Variants in NYAP2 observed in about 807,000 individuals in gnomAD.
NYAP2 encodes neuronal tyrosine-phosphorylated phosphoinositide-3-kinase adapter 2.
Under a neutral mutation model 50.4 loss-of-function variants are expected in NYAP2, and 23 were observed. That is an observed-to-expected ratio of 0.46 (90% confidence interval 0.33 to 0.65). NYAP2 has a LOEUF of 0.65. Ranked by LOEUF, NYAP2 falls within the 30% of genes least tolerant of loss-of-function variation. The probability of loss-of-function intolerance (pLI) is 0.02; values close to 1 mark genes in which losing one functional copy is unlikely to be tolerated. For missense variants in NYAP2, 885 were observed against 861.0 expected, an observed-to-expected ratio of 1.03 and a Z score of -0.35; for synonymous variants, 394 against 365.2, an observed-to-expected ratio of 1.08 and a Z score of -0.90.
chr2:225,480,044 C>G lies in NYAP2; in HGVS notation c.222-33327C>G, dbSNP rs567494109. Among the ~76,000 whole-genome samples, 279 of 152,208 alleles carry G rather than the reference C, an allele frequency of 1.8e-3. 1 individual carries two copies. Among genetic ancestry groups the G allele is most frequent in the Middle Eastern group, 0.01 (3 of 294 alleles). ...TAACTTTGGTAAAAGTTAAGTCAAT[C>G]AAAGTATGTATTACTTTCTAAGGAA... On this transcript the variant is annotated intron_variant, in intron 3 of 6. Coordinates refer to ENST00000636099, the Ensembl canonical transcript of NYAP2.
intron 4 of NYAP2, among the ~76,000 whole-genome samples, chr2:225,561,485 T>C (rs1010546866): frequency 2.0e-5 from 3 of 152,102 alleles, no homozygotes; most frequent in Admixed American, 1.3e-4. Flanking sequence ...AGGGATTCCA[T>C]GTGCCTCATA....
intron 5 of NYAP2, among the ~76,000 whole-genome samples, chr2:225,585,517 C>A (rs1692374212): frequency 6.6e-6 from 1 of 152,214 alleles, no homozygotes; most frequent in Non-Finnish European, 1.5e-5. Flanking sequence ...AAAGCTTGTA[C>A]ATGGAAGAGT....
intron 3 of NYAP2, among the ~76,000 whole-genome samples, chr2:225,485,127 A>C (rs775580222): frequency 6.6e-5 from 10 of 152,154 alleles, no homozygotes; most frequent in Admixed American, 6.5e-4. Flanking sequence ...AGGTGGAGAT[A>C]ATTGAATCAT....
At chr2:225,580,078 A>G (rs1006823748) in intron 4 of NYAP2, among the ~76,000 whole-genome samples, 1 of 152,116 alleles carries the variant, frequency 6.6e-6, no homozygotes, top group Non-Finnish European at 1.5e-5. Flanking sequence ...TATTTGTAGA[A>G]AATAGTTTCC....
At chr2:225,553,496 A>G (rs963026792) in intron 4 of NYAP2, among the ~76,000 whole-genome samples, 2 of 152,228 alleles carry the variant, frequency 1.3e-5, no homozygotes, top group African/African-American at 4.8e-5. Context: ...TTTTCTCTTC[A>G]GTGGTACAAG....
chr2:225,648,092 C>T (rs958145358), intron 6 of NYAP2, among the ~76,000 whole-genome samples: 7 of 152,086 alleles, frequency 4.6e-5, no homozygotes, highest in Admixed American at 3.9e-4. Flanking sequence ...CCTCTGCCTC[C>T]CAGGTTCAAG....
Position 225,453,004 on chromosome 2 carries a change from G to A in NYAP2, c.221+43903G>A, listed in dbSNP as rs558578508. 2.4e-3 allele frequency among the ~76,000 whole-genome samples: 372 copies of A among 152,282 alleles called. 3 individuals carry two copies. Among genetic ancestry groups the A allele is most frequent in the African/African-American group, 8.1e-3 (338 of 41,556 alleles). On this transcript the variant is annotated intron_variant, in intron 3 of 6. Coordinates refer to ENST00000636099, the Ensembl canonical transcript of NYAP2. ...GGATACCTTCGCATCCAGTCAGCAT[G>A]CCCAGCTGAGTGATGAAACAGGGCA...
At chr2:225,651,410 G>A (rs778108435) in intron 6 of NYAP2, 22 bp from the exon 7 acceptor site, 1 of 1,613,920 alleles carries the variant, frequency 6.2e-7, no homozygotes, top group Admixed American at 1.7e-5. Flanking sequence ...CTAATATTGT[G>A]TCTTTTTCCG....
intron 4 of NYAP2, among the ~76,000 whole-genome samples, chr2:225,579,919 T>C (rs1330426387): frequency 6.6e-6 from 1 of 152,218 alleles, no homozygotes; most frequent in Admixed American, 6.5e-5. Context: ...TAAATATGAT[T>C]ATTTCTGTAT....
the NYAP2 span, among the ~76,000 whole-genome samples, chr2:225,683,014 C>A: frequency 6.6e-6 from 1 of 152,058 alleles, no homozygotes; most frequent in Non-Finnish European, 1.5e-5. Context: ...GTCATTTCCC[C>A]CCCCCATTCT....
intron 3 of NYAP2, among the ~76,000 whole-genome samples, chr2:225,449,355 G>T (rs182681084): frequency 2.0e-5 from 3 of 152,240 alleles, no homozygotes; most frequent in Non-Finnish European, 2.9e-5. Context: ...TTGCAAATAT[G>T]AACTCTTATA....
intron 4 of NYAP2, among the ~76,000 whole-genome samples, chr2:225,580,174 G>T (rs1025899194): frequency 2.0e-5 from 3 of 152,168 alleles, no homozygotes; most frequent in Non-Finnish European, 4.4e-5. Context: ...GATGAGCTTT[G>T]GTTCTTCCAA....
At chr2:225,424,176 A>G (rs1056852438) in intron 3 of NYAP2, among the ~76,000 whole-genome samples, 1 of 152,158 alleles carries the variant, frequency 6.6e-6, no homozygotes, top group Non-Finnish European at 1.5e-5. Flanking sequence ...TAAAAAGTGA[A>G]CCAAGAATAT....
chr2:225,434,782 C>T (rs1008492783), intron 3 of NYAP2, among the ~76,000 whole-genome samples: 3 of 152,174 alleles, frequency 2.0e-5, no homozygotes, highest in Non-Finnish European at 2.9e-5. Context: ...AAGTGAATCA[C>T]ACCACCATTT....
intron 3 of NYAP2, among the ~76,000 whole-genome samples, chr2:225,482,094 G>A (rs998479338): frequency 5.3e-5 from 8 of 152,210 alleles, no homozygotes; most frequent in Non-Finnish European, 1.2e-4. Context: ...TACATATAAT[G>A]CATAGTAATA....
intron 3 of NYAP2, among the ~76,000 whole-genome samples, chr2:225,454,144 C>T (rs1041044808): frequency 2.0e-5 from 3 of 151,664 alleles, no homozygotes; most frequent in Non-Finnish European, 4.4e-5. Flanking sequence ...GACAACATAG[C>T]GAGACCCTAT....
chr2:225,519,306 T>A (rs1691003318), intron 4 of NYAP2, among the ~76,000 whole-genome samples: 1 of 151,942 alleles, frequency 6.6e-6, no homozygotes, highest in South Asian at 2.1e-4. Context: ...AGTTTTAGGG[T>A]ACATGCGCAC....
chr2:225,442,055 A>G (rs983047517), intron 3 of NYAP2, among the ~76,000 whole-genome samples: 3 of 152,198 alleles, frequency 2.0e-5, no homozygotes, highest in Non-Finnish European at 4.4e-5. Flanking sequence ...AAGTCTGTGG[A>G]AATAAAGTTG....
At chr2:225,411,946 T>C (rs1056628955) in intron 3 of NYAP2, among the ~76,000 whole-genome samples, 2 of 150,272 alleles carry the variant, frequency 1.3e-5, no homozygotes, top group Non-Finnish European at 3.0e-5. Flanking sequence ...TATTTACAAA[T>C]GATATATTTA....
Sources: allele counts gnomAD v4.1 joint callset (sites outside exome capture counted in the v4.1 genomes callset), GRCh38; gene constraint gnomAD v4.1.1; transcripts MANE v1.5; gene names NCBI Gene and HGNC (gene_info 2026-07-23, HGNC 2026-07-21).